SHOX: variants seen among roughly 807,000 people sequenced by gnomAD.
The protein encoded by SHOX is short stature homeobox protein.
SHOX carries 12 observed loss-of-function variants against 29.6 expected under a neutral mutation model. That is an observed-to-expected ratio of 0.41 (90% confidence interval 0.26 to 0.66). The LOEUF (loss-of-function observed/expected upper bound fraction) is 0.66, where lower values mean the gene tolerates loss of function less well. Ranked by LOEUF, SHOX falls within the 30% of genes least tolerant of loss-of-function variation. SHOX has a pLI of 0.35. For synonymous variants in SHOX, 214 were observed against 200.6 expected, an observed-to-expected ratio of 1.07 and a Z score of -0.57; for missense variants, 499 against 437.7, an observed-to-expected ratio of 1.14 and a Z score of -1.25.
upstream of SHOX, among the ~76,000 whole-genome samples, chrX:627,527 C>T (rs1392754477): frequency 1.3e-5 from 2 of 152,108 alleles, no homozygotes; most frequent in African/African-American, 4.8e-5. Context: ...TTAGGAAAAG[C>T]GGGGTGTTGG....
intron 2 of SHOX, among the ~76,000 whole-genome samples, chrX:636,341 T>TATATAA (rs1556463150): frequency 7.6e-6 from 1 of 132,296 alleles, no homozygotes; most frequent in African/African-American, 2.9e-5. Context: ...CATATAAACA[T>TATATAA]ATATAAATAT....
chrX:638,537 T>C (rs2052796073), intron 2 of SHOX, among the ~76,000 whole-genome samples: 1 of 151,648 alleles, frequency 6.6e-6, no homozygotes, highest in Non-Finnish European at 1.5e-5. Context: ...TTGGCGGGGG[T>C]GTGAGGGAGG....
At chrX:625,435 G>A (rs1431722444) in intron 1 of SHOX, among the ~76,000 whole-genome samples, 2 of 151,970 alleles carry the variant, frequency 1.3e-5, no homozygotes, top group East Asian at 1.9e-4. Context: ...TCTTCTCATC[G>A]GCTTGGTGTG....
At chrX:626,899 C>A (rs1428780678), upstream of SHOX, among the ~76,000 whole-genome samples, 2 of 151,258 alleles carry the variant, frequency 1.3e-5, no homozygotes, top group African/African-American at 4.9e-5. Flanking sequence ...GTCTCTTTTT[C>A]TCTGTCTCTC....
intron 4 of SHOX, 47 bp from the exon 5 acceptor site, chrX:644,344 C>T: frequency 6.7e-7 from 1 of 1,502,096 alleles, no homozygotes; most frequent in Non-Finnish European, 8.8e-7. Flanking sequence ...GAGCAGGCCC[C>T]CCAGTCCCCA....
chrX:627,528 G>A (rs1254034324), upstream of SHOX, among the ~76,000 whole-genome samples: 1 of 152,206 alleles, frequency 6.6e-6, no homozygotes, highest in Non-Finnish European at 1.5e-5. Flanking sequence ...TAGGAAAAGC[G>A]GGGTGTTGGA....
At chrX:631,804 T>G in intron 1 of SHOX, 1 of 437,352 alleles carries the variant, frequency 2.3e-6, no homozygotes, top group Non-Finnish European at 4.7e-6. Context: ...AGTGCTGGGA[T>G]GACAGGCGTG....
intron 4 of SHOX, 48 bp from the exon 5 acceptor site, chrX:644,343 C>G: frequency 1.3e-6 from 2 of 1,500,972 alleles, no homozygotes; most frequent in Admixed American, 2.1e-5. Flanking sequence ...GGAGCAGGCC[C>G]CCCAGTCCCC....
downstream of SHOX, among the ~76,000 whole-genome samples, chrX:652,978 C>T (rs183776612): frequency 0.022 from 3,342 of 152,260 alleles, 119 homozygotes; most frequent in South Asian, 0.097. Context: ...GTGGCTCTCA[C>T]GCCTGTCATC....
intron 5 of SHOX, among the ~76,000 whole-genome samples, chrX:658,626 G>T (rs28612731): frequency 2.0e-5 from 3 of 149,594 alleles, no homozygotes; most frequent in Non-Finnish European, 4.5e-5. Flanking sequence ...GCCCGCCACC[G>T]CGCCCGGCTA....
rs1308108613 is a variant in SHOX, at chrX:657,422, T to G, written c.634-1363T>G. ...TCACAATGCACCCTTGGGAGGAAGA[T>G]ATGTATTTAAAGGGAGTGGATGTTA... On this transcript the variant is annotated intron_variant, in intron 5 of 5. Coordinates refer to the SHOX transcript ENST00000334060. 2.0e-5 allele frequency among the ~76,000 whole-genome samples: 3 copies of G among 152,140 alleles called. No individual in the cohort carries two copies. The East Asian group carries it at 5.8e-4, about 29-fold the overall frequency.
chrX:624,963 G>A (rs886226162), intron 1 of SHOX, among the ~76,000 whole-genome samples: 5 of 132,564 alleles, frequency 3.8e-5, no homozygotes, highest in Non-Finnish European at 7.9e-5. Flanking sequence ...GATTGCTTTT[G>A]GAGCTTTCCT....
downstream of SHOX, among the ~76,000 whole-genome samples, chrX:655,283 A>G: frequency 6.6e-6 from 1 of 151,100 alleles, no homozygotes. Flanking sequence ...AATTTTTTGT[A>G]TGTTTAGTAG....
At position 641,086 on chromosome X, in the gene SHOX, A is replaced by G; in HGVS notation, c.632A>G (p.Gln211Arg). ...NMGALRMPFQQVQAQLQLEGV... is the reference protein window; with the variant it reads ...NMGALRMPFQRVQAQLQLEGV... ...GGAGCCTTACGGATGCCTTTCCAAC[A>G]GGTAGCTCACTTTTTCTTCCTCTGA... The change falls in exon 4 of 5, where the codon CAG becomes CGG. Residue 211 changes from glutamine to arginine, a missense_variant and splice_region_variant. Physicochemically the swap from Gln to Arg is conservative, Grantham distance 43. Coordinates refer to ENST00000686671, the MANE Select transcript of SHOX (RefSeq NM_000451.4). The G allele has an allele frequency of 6.2e-7, 1 of 1,613,660 alleles. No individual in the cohort carries two copies. Among genetic ancestry groups the G allele is most frequent in the Non-Finnish European group, 8.5e-7 (1 of 1,179,754 alleles).
In SHOX at chrX:644,688, C is replaced by CCTGCACCGCGCGTCCTGCACT; in HGVS notation, c.*54_*74dup. On this transcript the variant is annotated 3_prime_UTR_variant, in exon 5 of 5. Transcript: ENST00000686671. ...GGACTCCCGGGCTCCGCGCACCCCG[C>CCTGCACCGCGCGTCCTGCACT]CTGCACCGCGCGTCCTGCACTCAAC... 1.5e-6 allele frequency: 2 copies of CCTGCACCGCGCGTCCTGCACT among 1,377,038 alleles called. No individual in the cohort carries two copies. The highest frequency in any genetic ancestry group is 1.9e-6 in the Non-Finnish European group (2 of 1,076,572). 85.3% of individuals were successfully genotyped at this position (1,377,038 alleles called of 1,614,324 possible). A position where few individuals can be genotyped will look rare whatever the true frequency, so the allele number is the denominator to read the frequency against.
At chrX:635,424 G>C (rs1373007748) in intron 2 of SHOX, among the ~76,000 whole-genome samples, 2 of 152,190 alleles carry the variant, frequency 1.3e-5, no homozygotes, top group Admixed American at 6.5e-5. Flanking sequence ...GAGAGAAACA[G>C]GGTCTTCTCT....
rs1276085667 is a variant in SHOX, at chrX:644,736, G to A, written c.*100G>A. 2.3e-6 allele frequency: 3 copies of A among 1,328,052 alleles called. No homozygotes were observed. The highest frequency in any genetic ancestry group is 1.9e-6 in the Non-Finnish European group (2 of 1,042,162). 82.3% of individuals were successfully genotyped at this position (1,328,052 alleles called of 1,614,324 possible). ...AACCCCGCCTGGAGCTCCTTCCGCG[G>A]CCACCGTGCTCCGGGCACCCCGGGA... On this transcript the variant is annotated 3_prime_UTR_variant, in exon 5 of 5. Transcript: ENST00000686671.
chrX:633,886 G>A (rs1422327366), intron 1 of SHOX, among the ~76,000 whole-genome samples: 2 of 152,194 alleles, frequency 1.3e-5, no homozygotes, highest in African/African-American at 4.8e-5. Flanking sequence ...AAACGCTTGA[G>A]GGCTGAGTCT....
intron 1 of SHOX, among the ~76,000 whole-genome samples, chrX:625,730 CT>C (rs1352037759): frequency 2.4e-5 from 3 of 125,354 alleles, no homozygotes; most frequent in Non-Finnish European, 5.1e-5. Context: ...TCTCTCTCCT[CT>C]CTCTCTGTCT....
Sources: allele counts gnomAD v4.1 joint callset (sites outside exome capture counted in the v4.1 genomes callset), GRCh38; gene constraint gnomAD v4.1.1; transcripts MANE v1.5; gene names NCBI Gene and HGNC (gene_info 2026-07-23, HGNC 2026-07-21).